CCP110: variants seen among roughly 807,000 people sequenced by gnomAD.
The protein encoded by CCP110 is centriolar coiled-coil protein of 110 kDa.
CCP110 carries 43 observed loss-of-function variants against 105.5 expected under a neutral mutation model. The observed-to-expected ratio is 0.41, with a 90% CI of 0.32 to 0.53. The LOEUF is 0.53. Among genes scored for constraint, CCP110 ranks in the 20% least tolerant of loss-of-function variants. CCP110 has a pLI of 0.32. For synonymous variants in CCP110, 353 were observed against 392.1 expected (o/e 0.90, Z 1.18); for missense variants, 1,016 against 1,189.1 (o/e 0.85, Z 2.14).
chr16:19,527,188 T>G (rs1449733044), intron 1 of CCP110: 1 of 152,150 alleles, frequency 6.6e-6, no homozygotes, highest in African/African-American at 2.4e-5. Context: ...ATTTGCTCTT[T>G]TTTACCTCTG....
At chr16:19,543,323 A>G (rs1447165214) in intron 8 of CCP110, among the ~76,000 whole-genome samples, 1 of 152,204 alleles carries the variant, frequency 6.6e-6, no homozygotes, top group East Asian at 1.9e-4. Context: ...TAATATGGAC[A>G]TTTATCAGTT....
intron 12 of CCP110, chr16:19,547,731 T>C (rs1451743781): frequency 1.1e-5 from 5 of 473,438 alleles, no homozygotes; most frequent in African/African-American, 2.0e-5. Context: ...ATGTTGGACA[T>C]TTCTTTGCTG....
chr16:19,549,104 A>G (rs1210908739), intron 14 of CCP110, among the ~76,000 whole-genome samples: 1 of 152,180 alleles, frequency 6.6e-6, no homozygotes, highest in African/African-American at 2.4e-5. Context: ...TTTGAGGATT[A>G]AGAGCTAAAC....
At chr16:19,536,819 T>G in exon 4 of CCP110, 1 of 1,614,144 alleles carries the variant, frequency 6.2e-7, no homozygotes, top group Non-Finnish European at 8.5e-7. Context: ...CAGGACATCA[T>G]CAGCGTGTCA....
At chr16:19,540,474 C>A (rs963607176) in intron 4 of CCP110, among the ~76,000 whole-genome samples, 183 bp from the exon 5 acceptor site, 1 of 152,132 alleles carries the variant, frequency 6.6e-6, no homozygotes, top group Non-Finnish European at 1.5e-5. Context: ...ACAGGTCTTA[C>A]TTTATTGAGT....
intron 4 of CCP110, among the ~76,000 whole-genome samples, chr16:19,539,698 T>G (rs1158035929): frequency 6.6e-6 from 1 of 152,022 alleles, no homozygotes; most frequent in Non-Finnish European, 1.5e-5. Flanking sequence ...ACAACCACTG[T>G]TACCTGGGGA....
At chr16:19,530,231 A>G (rs1026634810) in intron 2 of CCP110, among the ~76,000 whole-genome samples, 6 of 152,120 alleles carry the variant, frequency 3.9e-5, no homozygotes, top group Non-Finnish European at 1.5e-5. Context: ...CTGAATTTTT[A>G]AAGAGACCAG....
intron 12 of CCP110, 158 bp downstream of exon 12, chr16:19,546,632 C>G (rs1239762531): frequency 4.2e-6 from 2 of 481,518 alleles, no homozygotes; most frequent in Non-Finnish European, 7.5e-6. Context: ...GCCTGACCAA[C>G]ATGGAAAACC....
chr16:19,539,459 C>T (rs1295288852), intron 4 of CCP110, among the ~76,000 whole-genome samples: 1 of 151,382 alleles, frequency 6.6e-6, no homozygotes, highest in African/African-American at 2.4e-5. Flanking sequence ...TGGGTTCAAG[C>T]GATTCTCCTG....
intron 11 of CCP110, 84 bp downstream of exon 11, chr16:19,545,974 G>A: frequency 1.3e-6 from 1 of 773,636 alleles, no homozygotes; most frequent in South Asian, 1.7e-5. Context: ...TTTAAATTTA[G>A]AAATAAAGAG....
At chr16:19,527,710 T>C (rs918667145) in intron 1 of CCP110, 157 bp from the exon 2 acceptor site, 12 of 439,080 alleles carry the variant, frequency 2.7e-5, no homozygotes, top group African/African-American at 2.4e-4. Flanking sequence ...TGAATTACCA[T>C]ACCCAAGAAT....
intron 4 of CCP110, among the ~76,000 whole-genome samples, chr16:19,539,844 G>A (rs1970215027): frequency 6.6e-6 from 1 of 150,732 alleles, no homozygotes; most frequent in Admixed American, 6.6e-5. Context: ...TTGTTGCCCA[G>A]GCTGGAGTGC....
chr16:19,542,664 C>T (rs375415222), exon 7 of CCP110: 48 of 1,613,006 alleles, frequency 3.0e-5, no homozygotes, highest in East Asian at 1.1e-4. Flanking sequence ...TTTCTGCAAA[C>T]GAAGCACCAT....
At chr16:19,549,212 AGGTATC>A (rs1970556448) in intron 14 of CCP110, among the ~76,000 whole-genome samples, 1 of 152,216 alleles carries the variant, frequency 6.6e-6, no homozygotes, top group Non-Finnish European at 1.5e-5. Context: ...AATATTTTTT[AGGTATC>A]TTTGTTAAGA....
chr16:19,525,244 A>G (rs1969629074), intron 1 of CCP110: 1 of 152,160 alleles, frequency 6.6e-6, no homozygotes, highest in African/African-American at 2.4e-5. Context: ...AGATAGGACC[A>G]TGAGTCTACG....
rs984174454 is a variant in CCP110 at position 19,538,087 on chromosome 16, CTG to C, written c.1918+501_1918+502del. On this transcript the variant is annotated intron_variant, in intron 4 of 14. Transcript: ENST00000381396. ...CCAGGATTTTCTTTTTTGAGACAGT[CTG>C]GCACTGTTGCCCAGGCTGGAGTGCA... is the stretch of plus-strand genomic sequence containing the variant. Among the ~76,000 whole-genome samples the C allele has an allele frequency of 4.6e-5, 7 of 151,914 alleles. No homozygotes were observed. In the South Asian group the frequency reaches 6.2e-4, roughly 14 times the overall value.
chr16:19,534,947 C>G (rs1309719338), intron 3 of CCP110, among the ~76,000 whole-genome samples: 1 of 132,222 alleles, frequency 7.6e-6, no homozygotes, highest in Non-Finnish European at 1.5e-5. Context: ...GTGACGTGAT[C>G]TTGGCTCACT....
chr16:19,548,748 G>T lies in CCP110; in HGVS notation c.2986+148G>T. ...ACAGTCATCTTATTAGTGTTCTTTGGTCTTAGCATTGTATGGCAGTCAGGA... is the reference window on the plus strand; with the variant it reads ...ACAGTCATCTTATTAGTGTTCTTTGTTCTTAGCATTGTATGGCAGTCAGGA... On this transcript the variant is annotated intron_variant, in intron 14 of 14. Coordinates refer to ENST00000381396, the Ensembl canonical transcript of CCP110. The surrounding 1 kb of genome is among the most constrained non-coding windows in gnomAD (Gnocchi z 4.1). The T allele has an allele frequency of 1.9e-6, 1 of 518,890 alleles. No homozygotes were observed. The highest frequency in any genetic ancestry group is 3.4e-6 in the Non-Finnish European group (1 of 294,482). 32.1% of individuals were successfully genotyped at this position (518,890 alleles called of 1,614,324 possible). A position where few individuals can be genotyped will look rare whatever the true frequency, so the allele number is the denominator to read the frequency against.
chr16:19,539,902 C>T (rs570832137), intron 4 of CCP110, among the ~76,000 whole-genome samples: 6 of 151,730 alleles, frequency 4.0e-5, no homozygotes, highest in South Asian at 4.2e-4. Flanking sequence ...CAGGTTCAAG[C>T]GATTCTCCTG....
Sources: gnomAD v4.1 joint callset for allele counts (sites outside exome capture counted in the v4.1 genomes callset) on GRCh38, gnomAD v4.1.1 for gene constraint, Gnocchi (gnomAD v3.1) non-coding constraint, MANE v1.5 for transcripts, NCBI Gene and HGNC (gene_info 2026-07-23, HGNC 2026-07-21) for gene names.